The following PPFIA2 variants were observed in gnomAD, a reference collection of about 807,000 sequenced individuals.
PPFIA2 encodes the protein PPFI scaffold protein A2, also known as liprin-alpha-2.
In PPFIA2, 46 loss-of-function variants were observed where a neutral mutation model predicts 175.5. The observed-to-expected ratio is 0.26, with a 90% CI of 0.21 to 0.34. PPFIA2 has a LOEUF of 0.34. PPFIA2 is among the 10% of genes least tolerant of loss of function. PPFIA2 has a pLI of 1.00. For synonymous variants in PPFIA2, 568 were observed against 511.4 expected, an observed-to-expected ratio of 1.11 and a Z score of -1.49; for missense variants, 1,179 against 1,506.1, an observed-to-expected ratio of 0.78 and a Z score of 3.60.
At chr12:81,494,372 T>C (rs539245683) in intron 4 of PPFIA2, among the ~76,000 whole-genome samples, 1 of 152,176 alleles carries the variant, frequency 6.6e-6, no homozygotes, top group South Asian at 2.1e-4. Flanking sequence ...ATCAGAGAAA[T>C]GCAAATCAAA....
intron 22 of PPFIA2, among the ~76,000 whole-genome samples, chr12:81,303,380 A>G (rs2048341057): frequency 6.6e-6 from 1 of 152,188 alleles, no homozygotes; most frequent in Admixed American, 6.6e-5. Context: ...TAAGATTCAG[A>G]ATAGATTTTA....
intron 3 of PPFIA2, among the ~76,000 whole-genome samples, chr12:81,697,607 C>T (rs1400658712): frequency 6.6e-6 from 1 of 152,050 alleles, no homozygotes; most frequent in Non-Finnish European, 1.5e-5. Context: ...AACATTCGTC[C>T]AGAAACTACA....
At chr12:81,735,004 T>C (rs753075462) in intron 3 of PPFIA2, among the ~76,000 whole-genome samples, 17 of 151,878 alleles carry the variant, frequency 1.1e-4, no homozygotes, top group Non-Finnish European at 1.3e-4. Flanking sequence ...TGATAGTTTG[T>C]TACTTATTGC....
chr12:81,535,236 T>A (rs1196441028), intron 4 of PPFIA2, among the ~76,000 whole-genome samples: 3 of 151,670 alleles, frequency 2.0e-5, no homozygotes, highest in Non-Finnish European at 4.4e-5. Flanking sequence ...GTAGTTGAAA[T>A]TTTAAGGGCA....
In PPFIA2 at chr12:81,267,037, A is replaced by G; in HGVS notation, c.3487-17T>C. 2 of 1,579,978 alleles carry G rather than the reference A, an allele frequency of 1.3e-6. No homozygotes were observed. Among genetic ancestry groups the G allele is most frequent in the South Asian group, 2.2e-5 (2 of 90,096 alleles). On this transcript the variant is annotated splice_polypyrimidine_tract_variant and intron_variant, in intron 29 of 32. Coordinates refer to ENST00000549396, the MANE Select transcript of PPFIA2 (RefSeq NM_003625.5). ...CTGCCTTGCCTGTTGACGTCAAATTACAGTTACCATCACCGAAATCACATT... is the reference window on the plus strand; with the variant it reads ...CTGCCTTGCCTGTTGACGTCAAATTGCAGTTACCATCACCGAAATCACATT...
At chr12:81,281,958 T>C (rs979989891) in intron 26 of PPFIA2, among the ~76,000 whole-genome samples, 5 of 152,054 alleles carry the variant, frequency 3.3e-5, no homozygotes, top group Non-Finnish European at 5.9e-5. Flanking sequence ...TTTATGGACA[T>C]TGTTGTTACT....
At chr12:81,751,362 T>C (rs977696621) in intron 3 of PPFIA2, among the ~76,000 whole-genome samples, 1 of 152,014 alleles carries the variant, frequency 6.6e-6, no homozygotes, top group Non-Finnish European at 1.5e-5. Flanking sequence ...ATGTAATGAA[T>C]TTGACGGGTG....
At chr12:81,746,654 T>C (rs539782917) in intron 3 of PPFIA2, among the ~76,000 whole-genome samples, 8 of 144,198 alleles carry the variant, frequency 5.5e-5, no homozygotes, top group African/African-American at 1.9e-4. Context: ...TCTTGCAAAA[T>C]AGCCAGCTTA....
rs7966320 is a variant in PPFIA2 at position 81,381,014 on chromosome 12, A to T, written c.984+3009T>A. 4.2e-3 allele frequency among the ~76,000 whole-genome samples: 636 copies of T among 150,468 alleles called. 7 individuals carry two copies. Among genetic ancestry groups the T allele is most frequent in the African/African-American group, 0.015 (607 of 41,096 alleles). On this transcript the variant is annotated intron_variant, in intron 9 of 32. Coordinates refer to ENST00000549396, the MANE Select transcript of PPFIA2 (RefSeq NM_003625.5). ...TGTGTGTGTGTGTGTATACAAAAAA[A>T]AAAAAGTGATGCATGCAGTAACGCA...
chr12:81,401,507 T>A (rs1006862547), intron 8 of PPFIA2, among the ~76,000 whole-genome samples: 13 of 152,192 alleles, frequency 8.5e-5, no homozygotes, highest in Non-Finnish European at 1.9e-4. Flanking sequence ...AACCTTGTTT[T>A]TAAACTCTAA....
At chr12:81,644,605 C>A (rs1025681351) in intron 4 of PPFIA2, among the ~76,000 whole-genome samples, 2 of 151,958 alleles carry the variant, frequency 1.3e-5, no homozygotes, top group Non-Finnish European at 2.9e-5. Context: ...ATGGTGCTTT[C>A]TTTCTATACT....
At chr12:81,422,273 G>C (rs1407794398) in intron 7 of PPFIA2, among the ~76,000 whole-genome samples, 1 of 151,676 alleles carries the variant, frequency 6.6e-6, no homozygotes, top group Non-Finnish European at 1.5e-5. Context: ...GTAGAATTGT[G>C]TCTATATTAT....
At chr12:81,363,463 G>T (rs2031831282) in intron 14 of PPFIA2, among the ~76,000 whole-genome samples, 1 of 151,426 alleles carries the variant, frequency 6.6e-6, no homozygotes, top group African/African-American at 2.4e-5. Flanking sequence ...GAAGATAGGG[G>T]TTGTCTTAGA....
intron 3 of PPFIA2, among the ~76,000 whole-genome samples, chr12:81,721,014 T>C (rs1010262392): frequency 2.0e-5 from 3 of 150,658 alleles, no homozygotes; most frequent in African/African-American, 7.3e-5. Context: ...AAATCTTAAG[T>C]TGGGAAGCAC....
rs541565656 is a variant in PPFIA2, at chr12:81,472,284, G to A, written c.304-14418C>T. ...AAAATATTCCAAAATTAATTGTGAT[G>A]AGGATGCACAATTTTGCGAATATAC... On this transcript the variant is annotated intron_variant, in intron 4 of 32. Transcript: ENST00000549396. Among the ~76,000 whole-genome samples, 26 of 152,262 alleles carry A rather than the reference G, an allele frequency of 1.7e-4. No homozygotes were observed. In the East Asian group the frequency reaches 4.8e-3, roughly 28 times the overall value.
At chr12:81,717,254 T>G (rs991610988) in intron 3 of PPFIA2, among the ~76,000 whole-genome samples, 9 of 150,500 alleles carry the variant, frequency 6.0e-5, no homozygotes, top group African/African-American at 2.2e-4. Flanking sequence ...TTGCATTTCA[T>G]ATAATTTTGA....
At chr12:81,698,129 T>C (rs1305942039) in intron 3 of PPFIA2, among the ~76,000 whole-genome samples, 2 of 152,136 alleles carry the variant, frequency 1.3e-5, no homozygotes, top group Non-Finnish European at 2.9e-5. Flanking sequence ...TCTGATTCGA[T>C]AGGCCAGGAG....
chr12:81,348,884 G>T (rs561829984), intron 17 of PPFIA2, among the ~76,000 whole-genome samples: 2 of 152,106 alleles, frequency 1.3e-5, no homozygotes, highest in African/African-American at 4.8e-5. Context: ...TAAGGGGGTC[G>T]TAAAATTCTC....
At chr12:81,696,753 C>CA (rs2075941756) in intron 3 of PPFIA2, among the ~76,000 whole-genome samples, 1 of 151,836 alleles carries the variant, frequency 6.6e-6, no homozygotes, top group Non-Finnish European at 1.5e-5. Context: ...ATTCTTCACC[C>CA]AGTAAAGGAA....
Sources: gnomAD v4.1 joint callset for allele counts (sites outside exome capture counted in the v4.1 genomes callset) on GRCh38, gnomAD v4.1.1 for gene constraint, MANE v1.5 for transcripts, NCBI Gene and HGNC (gene_info 2026-07-23, HGNC 2026-07-21) for gene names.